The following TMED10 variants were observed in gnomAD, a reference collection of about 807,000 sequenced individuals.
TMED10 encodes transmembrane p24 trafficking protein 10, also known as transmembrane emp24 domain-containing protein 10.
In TMED10, 7 loss-of-function variants were observed where a neutral mutation model predicts 23.1. The observed-to-expected ratio is 0.30, with a 90% CI of 0.17 to 0.57. The LOEUF (loss-of-function observed/expected upper bound fraction) is 0.57. TMED10 is among the 20% of genes least tolerant of loss of function. The pLI, the probability that TMED10 is intolerant of heterozygous loss-of-function variation, is 0.91. For missense variants in TMED10, 162 were observed against 274.8 expected, an observed-to-expected ratio of 0.59 and a Z score of 2.90; for synonymous variants, 113 against 106.9, an observed-to-expected ratio of 1.06 and a Z score of -0.35.
intron 1 of TMED10, among the ~76,000 whole-genome samples, chr14:75,154,271 G>A (rs1175945218): frequency 6.7e-6 from 1 of 149,120 alleles, no homozygotes; most frequent in African/African-American, 2.5e-5. Flanking sequence ...GAGTGGTATT[G>A]GGCGCCTGTA....
intron 1 of TMED10, among the ~76,000 whole-genome samples, chr14:75,171,025 C>T (rs1356089761): frequency 6.6e-6 from 1 of 152,076 alleles, no homozygotes; most frequent in Non-Finnish European, 1.5e-5. Context: ...CTAGAACCCA[C>T]GAATGTGTTA....
chr14:75,148,060 T>G (rs1895910287), intron 2 of TMED10, among the ~76,000 whole-genome samples: 1 of 152,042 alleles, frequency 6.6e-6, no homozygotes, highest in South Asian at 2.1e-4. Flanking sequence ...ACAGGCTTAT[T>G]GAATTGGGAA....
chr14:75,140,464 T>TTGGGAGGCTGAAGCGGA (rs1283871451), intron 3 of TMED10, among the ~76,000 whole-genome samples: 22 of 151,792 alleles, frequency 1.4e-4, no homozygotes, highest in African/African-American at 5.1e-4. Context: ...TCTCAGCACT[T>TTGGGAGGCTGAAGCGGA]TGGGAGGCTG....
chr14:75,159,928 C>G (rs1185544953), intron 1 of TMED10, among the ~76,000 whole-genome samples: 1 of 152,158 alleles, frequency 6.6e-6, no homozygotes, highest in East Asian at 1.9e-4. Context: ...AGGCTGAAGG[C>G]AAAGGGCCCG....
chr14:75,137,730 T>G (rs1450051321), intron 3 of TMED10, among the ~76,000 whole-genome samples: 4 of 139,578 alleles, frequency 2.9e-5, no homozygotes, highest in African/African-American at 1.1e-4. Context: ...TTTTTAAGGA[T>G]GGAGTCTCAC....
chr14:75,158,690 C>T (rs554698677), intron 1 of TMED10, among the ~76,000 whole-genome samples: 18 of 151,770 alleles, frequency 1.2e-4, no homozygotes, highest in Non-Finnish European at 1.8e-4. Flanking sequence ...TTTGGGAGGC[C>T]GAGGCGGGCA....
intron 1 of TMED10, among the ~76,000 whole-genome samples, chr14:75,159,356 A>C (rs1426951538): frequency 6.6e-6 from 1 of 152,252 alleles, no homozygotes; most frequent in Non-Finnish European, 1.5e-5. Context: ...AATGTAAGTG[A>C]AACTGGTAGA....
In TMED10 at chr14:75,147,840, A is replaced by G. The variant is rs1040866356; in HGVS notation, c.338-103T>C. The G allele has an allele frequency of 6.0e-5, 59 of 982,088 alleles. 1 individual carries two copies. Among genetic ancestry groups the G allele is most frequent in the African/African-American group, 1.2e-4 (4 of 34,580 alleles). 60.8% of individuals were successfully genotyped at this position (982,088 alleles called of 1,614,324 possible). On this transcript the variant is annotated intron_variant, in intron 2 of 4. Transcript: ENST00000303575. ...CCTCTACAGAACCCCTACCCTCTCA[A>G]TAGAGGGAAACAGCCACAACTCCTC...
chr14:75,151,954 T>C (rs1255211448), intron 2 of TMED10, 78 bp downstream of exon 2: 3 of 1,191,370 alleles, frequency 2.5e-6, no homozygotes, highest in South Asian at 1.4e-5. Flanking sequence ...TGAAACTAGA[T>C]ATTAAGTGCT....
chr14:75,168,985 A>C (rs1452472766), intron 1 of TMED10, among the ~76,000 whole-genome samples: 1 of 152,190 alleles, frequency 6.6e-6, no homozygotes, highest in Non-Finnish European at 1.5e-5. Flanking sequence ...GATCCAGGTA[A>C]AGAGAACATT....
At chr14:75,157,289 A>G (rs1194949137) in intron 1 of TMED10, among the ~76,000 whole-genome samples, 3 of 152,210 alleles carry the variant, frequency 2.0e-5, no homozygotes, top group African/African-American at 7.2e-5. Flanking sequence ...ACTCCATGGA[A>G]ACTGGTCTTG....
At position 75,135,868 on chromosome 14, in the gene TMED10, G is replaced by A; in HGVS notation, c.430C>T (p.Leu144Phe). 3 of 1,613,750 alleles carry A rather than the reference G, an allele frequency of 1.9e-6. No individual in the cohort carries two copies. Among genetic ancestry groups the A allele is most frequent in the Non-Finnish European group, 2.5e-6 (3 of 1,179,916 alleles). Residue 144 changes from leucine to phenylalanine, a missense_variant, in exon 4 of 5, where the codon CTC becomes TTC. Physicochemically the swap from Leu to Phe is conservative, Grantham distance 22 (BLOSUM62 0). Coordinates refer to ENST00000303575, the MANE Select transcript of TMED10 (RefSeq NM_006827.6). Reference sequence around the variant, plus strand: ...CGCAGCTCTACCTCTAATGGTTTGAGCTTCTCAACTTTTGCAATCTGGAAA... The same window carrying A: ...CGCAGCTCTACCTCTAATGGTTTGAACTTCTCAACTTTTGCAATCTGGAAA... ...NYEEIAKVEK[L>F]KPLEVELRRL...
chr14:75,136,471 T>G (rs548946288), intron 3 of TMED10, among the ~76,000 whole-genome samples: 1 of 152,226 alleles, frequency 6.6e-6, no homozygotes, highest in African/African-American at 2.4e-5. Flanking sequence ...TTTTTGACTT[T>G]AGTAAAGCAC....
chr14:75,172,415 C>T (rs948824420), intron 1 of TMED10, among the ~76,000 whole-genome samples: 1 of 151,932 alleles, frequency 6.6e-6, no homozygotes, highest in Non-Finnish European at 1.5e-5. Flanking sequence ...TCAAGAGATT[C>T]TCCTGCCTCA....
Position 75,134,074 on chromosome 14 carries a change from G to C in TMED10, c.*811C>G. On this transcript the variant is annotated 3_prime_UTR_variant, in exon 5 of 5. Transcript: ENST00000303575. ...TTACAGAGATGGAGGACAGAACAGT[G>C]GTAGCCACAGGTTGGGGTGAGGGTA... 1 of 187,828 alleles carries C rather than the reference G, an allele frequency of 5.3e-6. No individual in the cohort carries two copies. The highest frequency in any genetic ancestry group is 1.1e-5 in the Non-Finnish European group (1 of 89,658). 11.6% of individuals were successfully genotyped at this position (187,828 alleles called of 1,614,324 possible).
chr14:75,163,888 T>C (rs1190144500), intron 1 of TMED10, among the ~76,000 whole-genome samples: 1 of 151,814 alleles, frequency 6.6e-6, no homozygotes, highest in Non-Finnish European at 1.5e-5. Context: ...GCCTCCTGAG[T>C]AGCTGGGATT....
chr14:75,168,466 A>T (rs1441314050), intron 1 of TMED10, among the ~76,000 whole-genome samples: 1 of 152,216 alleles, frequency 6.6e-6, no homozygotes, highest in Non-Finnish European at 1.5e-5. Context: ...TCTGAGAAGC[A>T]ATTCAATTTT....
chr14:75,135,845 C>T lies in TMED10; in HGVS notation c.453G>A (p.Leu151=). Residue 151 remains leucine (L), a synonymous_variant, in exon 4 of 5, where the codon CTG becomes CTA. Coordinates refer to ENST00000303575, the MANE Select transcript of TMED10 (RefSeq NM_006827.6). ...VEKLKPLEVE[L]RRLEDLSESI... is the part of the protein sequence containing the mutation. ...ATTCTGAAAGGTCTTCTAGGCGTCG[C>T]AGCTCTACCTCTAATGGTTTGAGCT... 1 of 1,614,198 alleles carries T rather than the reference C, an allele frequency of 6.2e-7. No homozygotes were observed. Among genetic ancestry groups the T allele is most frequent in the Non-Finnish European group, 8.5e-7 (1 of 1,180,032 alleles).
chr14:75,148,750 T>G (rs1895918903), intron 2 of TMED10, among the ~76,000 whole-genome samples: 1 of 152,142 alleles, frequency 6.6e-6, no homozygotes, highest in Non-Finnish European at 1.5e-5. Flanking sequence ...TGAAGTCAAT[T>G]CAATAACTAC....
Sources: allele counts gnomAD v4.1 joint callset (sites outside exome capture counted in the v4.1 genomes callset), GRCh38; gene constraint gnomAD v4.1.1; transcripts MANE v1.5; gene names NCBI Gene and HGNC (gene_info 2026-07-23, HGNC 2026-07-21).